The following TMPRSS6 variants were observed in gnomAD, a reference collection of about 807,000 sequenced individuals.
The protein encoded by TMPRSS6 is transmembrane protease serine 6.
In TMPRSS6, 67 loss-of-function variants were observed where a neutral mutation model predicts 101.5. The observed-to-expected ratio is 0.66, with a 90% CI of 0.54 to 0.81. The LOEUF is 0.81. Among genes scored for constraint, TMPRSS6 ranks in the 30% least tolerant of loss-of-function variants. The pLI, the probability that TMPRSS6 is intolerant of heterozygous loss-of-function variation, is 0.00. For synonymous variants in TMPRSS6, 453 were observed against 464.9 expected (o/e 0.97, Z 0.33); for missense variants, 1,034 against 1,088.7 (o/e 0.95, Z 0.71).
Position 37,070,584 on chromosome 22 carries a change from A to G in TMPRSS6, c.1741T>C (p.Trp581Arg), listed in dbSNP as rs770897887. 2.5e-6 allele frequency: 4 copies of G among 1,613,228 alleles called. No individual in the cohort carries two copies. The highest frequency in any genetic ancestry group is 2.2e-5 in the South Asian group (2 of 91,080). Residue 581 changes from tryptophan to arginine, a missense_variant, in exon 15 of 18, where the codon TGG becomes CGG. Trp to Arg is a moderately radical substitution (Grantham distance 101). Transcript: ENST00000676104. ...GAVSSEGEWP[W>R]QASLQVRGRH... ...CCCCGAACCTGGAGGCTGGCCTGCC[A>G]TGGCCACTCACCCTCGGAGGACACA...
intron 10 of TMPRSS6, among the ~76,000 whole-genome samples, chr22:37,079,002 A>AAAGAAAGAAAGAAAGAAAGAAAGAAAGG (rs1601536407): frequency 1.3e-5 from 2 of 151,632 alleles, no homozygotes; most frequent in East Asian, 3.9e-4. Flanking sequence ...AGAAAGAAAG[A>AAAGAAAGAAAGAAAGAAAGAAAGAAAGG]AAGAAAGAAA....
intron 1 of TMPRSS6, among the ~76,000 whole-genome samples, chr22:37,107,508 C>A (rs1236230193): frequency 6.6e-6 from 1 of 151,174 alleles, no homozygotes; most frequent in Non-Finnish European, 1.5e-5. Flanking sequence ...TGACTCCCAC[C>A]ATCATCCAGG....
At chr22:37,108,635 G>A (rs2146203059) in intron 1 of TMPRSS6, among the ~76,000 whole-genome samples, 1 of 152,342 alleles carries the variant, frequency 6.6e-6, no homozygotes, top group East Asian at 1.9e-4. Flanking sequence ...CACTGCGTAT[G>A]AACTCCTACC....
chr22:37,099,302 C>G (rs913261106), intron 2 of TMPRSS6, among the ~76,000 whole-genome samples: 9 of 152,218 alleles, frequency 5.9e-5, no homozygotes, highest in East Asian at 1.9e-4. Flanking sequence ...GGGCTGAAAG[C>G]CTGTTTGGCT....
intron 10 of TMPRSS6, among the ~76,000 whole-genome samples, chr22:37,080,957 C>T (rs888400269): frequency 1.3e-5 from 2 of 152,378 alleles, no homozygotes; most frequent in African/African-American, 4.8e-5. Flanking sequence ...CATGGATGTA[C>T]GCACGCACAC....
In TMPRSS6 at chr22:37,066,897, C is replaced by A. The variant is rs755820043; in HGVS notation, c.2179G>T (p.Val727Phe). ...CGTGGCGTCACCTGGTAGCGATAGA[C>A]CTCGCTGCACAGGTCCTGTGGGATC... ...QLIPQDLCSEVYRYQVTPRML... is the reference protein window; with the variant it reads ...QLIPQDLCSEFYRYQVTPRML... The change falls in exon 17 of 18, where the codon GTC becomes TTC. Residue 727 changes from valine to phenylalanine, a missense_variant. By Grantham distance (50) the Val-to-Phe change is conservative (BLOSUM62 -1). Coordinates refer to ENST00000676104, the MANE Select transcript of TMPRSS6 (RefSeq NM_001374504.1). 1 of 1,614,164 alleles carries A rather than the reference C, an allele frequency of 6.2e-7. No homozygotes were observed. Among genetic ancestry groups the A allele is most frequent in the South Asian group, 1.1e-5 (1 of 91,076 alleles).
chr22:37,086,434 A>T lies in TMPRSS6; in HGVS notation c.837-15T>A, dbSNP rs1569013177. 7.1e-6 allele frequency: 11 copies of T among 1,549,584 alleles called. No homozygotes were observed. Among genetic ancestry groups the T allele is most frequent in the Non-Finnish European group, 9.6e-6 (11 of 1,144,940 alleles). Reference sequence around the variant, plus strand: ...AGCCGTACACCCTGGCAGAACAGAAAGGTGGCAAGGCTGGGCTGGGGTCTG... The same window carrying T: ...AGCCGTACACCCTGGCAGAACAGAATGGTGGCAAGGCTGGGCTGGGGTCTG... On this transcript the variant is annotated splice_polypyrimidine_tract_variant and intron_variant, in intron 7 of 17. Transcript: ENST00000676104.
chr22:37,078,851 A>T (rs374915339), intron 10 of TMPRSS6, among the ~76,000 whole-genome samples: 1 of 78,794 alleles, frequency 1.3e-5, no homozygotes. Context: ...GAAGGAAGAG[A>T]AGGAGAAGAA....
In TMPRSS6 at chr22:37,066,147, G is replaced by C; in HGVS notation, c.2342C>G (p.Pro781Arg). 6.2e-7 allele frequency: 1 copy of C among 1,613,362 alleles called. No individual in the cohort carries two copies. Among genetic ancestry groups the C allele is most frequent in the Non-Finnish European group, 8.5e-7 (1 of 1,180,012 alleles). ...GCGGGTGTAGACGCCGAAGTAGTTA[G>C]GCCGGCCACAGCCCAGGCCCCAGCT... The part of the protein sequence containing the change: ...LVSWGLGCGR[P>R]NYFGVYTRIT... Residue 781 changes from proline to arginine, a missense_variant, in exon 18 of 18, where the codon CCT (proline) becomes CGT (arginine). Pro to Arg is a moderately radical substitution (Grantham distance 103, BLOSUM62 -2). Transcript: ENST00000676104.
intron 15 of TMPRSS6, 103 bp downstream of exon 15, chr22:37,070,381 A>T: frequency 8.4e-6 from 12 of 1,428,406 alleles, no homozygotes; most frequent in Non-Finnish European, 1.1e-5. Flanking sequence ...GGGGTCCACC[A>T]CCCTTCCCTC....
intron 13 of TMPRSS6, among the ~76,000 whole-genome samples, chr22:37,071,355 C>A (rs1926887516): frequency 6.6e-6 from 1 of 152,204 alleles, no homozygotes; most frequent in Non-Finnish European, 1.5e-5. Flanking sequence ...AGGGTCCGCA[C>A]CTAGCCTGGC....
At chr22:37,105,312 G>A (rs1014443822) in intron 1 of TMPRSS6, among the ~76,000 whole-genome samples, 1 of 152,214 alleles carries the variant, frequency 6.6e-6, no homozygotes, top group African/African-American at 2.4e-5. Context: ...TGTGGAGTGG[G>A]CCCTACTGGC....
intron 1 of TMPRSS6, among the ~76,000 whole-genome samples, chr22:37,106,566 G>C (rs1358698924): frequency 1.3e-5 from 2 of 152,078 alleles, no homozygotes; most frequent in East Asian, 1.9e-4. Flanking sequence ...AATTCCCCCG[G>C]GCTCATCATA....
At position 37,066,956 on chromosome 22, in the gene TMPRSS6, A is replaced by T. The variant is rs530353876; in HGVS notation, c.2120T>A (p.Ile707Asn). ...ATCCACTTTCTGCAGAGCGTTGCTG[A>T]TGGGGCCTGTCCGTGGTCAAGGGCA... ...GWGALREGGP[I>N]SNALQKVDVQ... is the part of the protein sequence containing the mutation. Residue 707 changes from isoleucine to asparagine, a missense_variant, in exon 17 of 18, where the codon ATC becomes AAC. Coordinates refer to ENST00000676104, the MANE Select transcript of TMPRSS6 (RefSeq NM_001374504.1). The T allele has an allele frequency of 1.6e-5, 26 of 1,614,098 alleles. No individual in the cohort carries two copies. The East Asian group carries it at 5.8e-4, about 36-fold the overall frequency.
chr22:37,100,516 C>T (rs1930222988), intron 2 of TMPRSS6, among the ~76,000 whole-genome samples: 3 of 152,110 alleles, frequency 2.0e-5, no homozygotes, highest in African/African-American at 7.2e-5. Flanking sequence ...ACCAGGTTTG[C>T]TGGCAAAGTG....
intron 1 of TMPRSS6, among the ~76,000 whole-genome samples, chr22:37,105,941 T>C (rs1304441626): frequency 6.6e-6 from 1 of 152,194 alleles, no homozygotes; most frequent in Admixed American, 6.5e-5. Context: ...TGAGCCACCA[T>C]ACCTGGCCCT....
Position 37,071,130 on chromosome 22 carries a change from G to T in TMPRSS6, c.1556-98C>A, listed in dbSNP as rs892501335. The T allele has an allele frequency of 5.6e-6, 6 of 1,075,196 alleles. No individual in the cohort carries two copies. In the Admixed American group the frequency reaches 7.6e-5, roughly 14 times the overall value. 66.6% of individuals were successfully genotyped at this position (1,075,196 alleles called of 1,614,324 possible). A position where few individuals can be genotyped will look rare whatever the true frequency, so the allele number is the denominator to read the frequency against. Reference sequence around the variant, plus strand: ...GTGCAGGAACGATGGAGCCAGAAGAGCCAGGAGGTGACTAGAGAGTCTTTT... The same window carrying T: ...GTGCAGGAACGATGGAGCCAGAAGATCCAGGAGGTGACTAGAGAGTCTTTT... On this transcript the variant is annotated intron_variant, in intron 13 of 17. Coordinates refer to ENST00000676104, the MANE Select transcript of TMPRSS6 (RefSeq NM_001374504.1).
Position 37,103,188 on chromosome 22 carries a change from C to T in TMPRSS6, c.202+28G>A, listed in dbSNP as rs765018025. ...AGTCACCCCAAGTCCTCCCCAGGTG[C>T]CTCTCCCAGGCGGTCCCACAACGTT... On this transcript the variant is annotated intron_variant, in intron 2 of 17. Coordinates refer to ENST00000676104, the MANE Select transcript of TMPRSS6 (RefSeq NM_001374504.1). The surrounding 1 kb of genome is among the most constrained non-coding windows in gnomAD (Gnocchi z 4.4). 5 of 1,612,398 alleles carry T rather than the reference C, an allele frequency of 3.1e-6. No homozygotes were observed. The South Asian group carries it at 5.5e-5, about 18-fold the overall frequency.
At chr22:37,078,867 A>AGGG (rs372598475) in intron 10 of TMPRSS6, among the ~76,000 whole-genome samples, 1 of 85,060 alleles carries the variant, frequency 1.2e-5, no homozygotes, top group Non-Finnish European at 2.6e-5. Flanking sequence ...AAGAAGGAGA[A>AGGG]GAGGAAGGGA....
Sources: gnomAD v4.1 joint callset for allele counts (sites outside exome capture counted in the v4.1 genomes callset) on GRCh38, gnomAD v4.1.1 for gene constraint, Gnocchi (gnomAD v3.1) non-coding constraint, MANE v1.5 for transcripts, NCBI Gene and HGNC (gene_info 2026-07-23, HGNC 2026-07-21) for gene names.